The following MDGA2 variants were observed in gnomAD, a reference collection of about 807,000 sequenced individuals.
MDGA2 encodes the protein MAM domain-containing glycosylphosphatidylinositol anchor protein 2.
Under a neutral mutation model 117.8 loss-of-function variants are expected in MDGA2, and 40 were observed. The observed-to-expected ratio is 0.34, with a 90% confidence interval of 0.26 to 0.44. The LOEUF is 0.44. Ranked by LOEUF, MDGA2 falls within the 20% of genes least tolerant of loss-of-function variation. MDGA2 has a pLI of 1.00. For synonymous variants in MDGA2, 452 were observed against 439.0 expected, an observed-to-expected ratio of 1.03 and a Z score of -0.37; for missense variants, 1,123 against 1,250.6, an observed-to-expected ratio of 0.90 and a Z score of 1.54.
chr14:47,486,899 G>T (rs1263809444), intron 1 of MDGA2, among the ~76,000 whole-genome samples: 1 of 152,148 alleles, frequency 6.6e-6, no homozygotes, highest in Non-Finnish European at 1.5e-5. Flanking sequence ...TCTCAGATAT[G>T]TCTTTAGCAG....
chr14:47,304,202 A>G (rs1168042460), intron 1 of MDGA2, among the ~76,000 whole-genome samples: 1 of 152,240 alleles, frequency 6.6e-6, no homozygotes, highest in African/African-American at 2.4e-5. Context: ...TATGTGCACA[A>G]AGCTCACTTG....
At position 46,943,548 on chromosome 14, in the gene MDGA2, T is replaced by C. The variant is rs1885069522; in HGVS notation, c.2089+13826A>G. 2.0e-5 allele frequency among the ~76,000 whole-genome samples: 3 copies of C among 152,104 alleles called. No homozygotes were observed. In the South Asian group the frequency reaches 6.2e-4, roughly 31 times the overall value. ...TGGCTTAAAGTATGCAACATTCACT[T>C]ACTGATTCTACTTAGAGTCAATATT... On this transcript the variant is annotated intron_variant, in intron 9 of 16. Transcript: ENST00000399232.
At chr14:47,295,461 G>T (rs531947474) in intron 2 of MDGA2, among the ~76,000 whole-genome samples, 178 of 152,164 alleles carry the variant, frequency 1.2e-3, no homozygotes, top group Admixed American at 4.4e-3. Flanking sequence ...CAAGAATAAA[G>T]CAATGTAACT....
At chr14:47,341,447 A>G (rs574480747) in intron 1 of MDGA2, among the ~76,000 whole-genome samples, 33 of 152,318 alleles carry the variant, frequency 2.2e-4, no homozygotes, top group Non-Finnish European at 3.7e-4. Context: ...TGTAAGAAAT[A>G]TCTGCTCTTT....
At chr14:47,176,718 T>C (rs558825649) in intron 3 of MDGA2, among the ~76,000 whole-genome samples, 1 of 152,296 alleles carries the variant, frequency 6.6e-6, no homozygotes, top group East Asian at 1.9e-4. Context: ...ACCTAGGCAT[T>C]ACCATTCAGG....
Position 47,599,366 on chromosome 14 carries a change from C to T in MDGA2, c.280+75151G>A, listed in dbSNP as rs1291615788. Among the ~76,000 whole-genome samples the T allele has an allele frequency of 3.3e-5, 5 of 151,190 alleles. No individual in the cohort carries two copies. In the South Asian group the frequency reaches 8.3e-4, roughly 25 times the overall value. On this transcript the variant is annotated intron_variant, in intron 1 of 16. Transcript: ENST00000399232. The stretch of plus-strand genomic sequence containing the variant: ...GCATCAAATCAAATTAAGATAATTA[C>T]TGATGTATACTTAGGCACAAAAGGA...
At chr14:47,548,460 G>A (rs79469089) in intron 1 of MDGA2, among the ~76,000 whole-genome samples, 3,484 of 151,908 alleles carry the variant, frequency 0.023, 84 homozygotes, top group East Asian at 0.1. Flanking sequence ...TTTTGCTTAA[G>A]GACTAATCCA....
intron 14 of MDGA2, among the ~76,000 whole-genome samples, chr14:46,863,993 C>A: frequency 6.6e-6 from 1 of 151,986 alleles, no homozygotes; most frequent in Non-Finnish European, 1.5e-5. Flanking sequence ...TATACATGTG[C>A]CATGCTGGTG....
chr14:47,526,173 C>T (rs888282593), intron 1 of MDGA2, among the ~76,000 whole-genome samples: 16 of 152,028 alleles, frequency 1.1e-4, no homozygotes, highest in Non-Finnish European at 2.1e-4. Flanking sequence ...CATACTTAGG[C>T]GTTCCTGATA....
chr14:47,378,675 TA>T (rs1049054876), intron 1 of MDGA2, among the ~76,000 whole-genome samples: 80 of 151,970 alleles, frequency 5.3e-4, no homozygotes, highest in African/African-American at 1.9e-3. Flanking sequence ...GAAAAAAGAC[TA>T]AAAAAAATTG....
chr14:47,009,083 G>A (rs993750524), intron 8 of MDGA2, among the ~76,000 whole-genome samples: 1 of 151,960 alleles, frequency 6.6e-6, no homozygotes, highest in Non-Finnish European at 1.5e-5. Flanking sequence ...TAATTAAGCA[G>A]TGCAATGTAA....
At chr14:47,276,691 C>T (rs566659689) in intron 2 of MDGA2, among the ~76,000 whole-genome samples, 117 of 152,206 alleles carry the variant, frequency 7.7e-4, no homozygotes, top group Non-Finnish European at 1.4e-3. Context: ...CCAATTAATA[C>T]GTGATGACTA....
chr14:47,381,132 C>T (rs963853705), intron 1 of MDGA2, among the ~76,000 whole-genome samples: 3 of 152,292 alleles, frequency 2.0e-5, no homozygotes, highest in South Asian at 4.1e-4. Flanking sequence ...TCAATAGATG[C>T]AGAAAAGGCC....
chr14:47,434,564 T>A (rs1039610854), intron 1 of MDGA2, among the ~76,000 whole-genome samples: 2 of 152,124 alleles, frequency 1.3e-5, no homozygotes, highest in Non-Finnish European at 2.9e-5. Context: ...GTAAAACCAG[T>A]GTGGACTTTT....
chr14:47,048,045 G>C (rs1889326438), intron 7 of MDGA2, among the ~76,000 whole-genome samples: 1 of 151,928 alleles, frequency 6.6e-6, no homozygotes, highest in Admixed American at 6.6e-5. Context: ...TATATGTTTG[G>C]TTACTATAAC....
At chr14:46,936,080 T>C (rs1387762690) in intron 9 of MDGA2, among the ~76,000 whole-genome samples, 2 of 152,126 alleles carry the variant, frequency 1.3e-5, no homozygotes, top group East Asian at 3.8e-4. Context: ...ATTTTAAATT[T>C]TGATGTATTA....
chr14:47,199,084 TTACC>T (rs1885396026), intron 3 of MDGA2, among the ~76,000 whole-genome samples: 1 of 152,028 alleles, frequency 6.6e-6, no homozygotes, highest in Non-Finnish European at 1.5e-5. Flanking sequence ...ACATTAATTC[TTACC>T]TAAATTTCCA....
At position 47,223,126 on chromosome 14, in the gene MDGA2, T is replaced by C. The variant is rs1886360027; in HGVS notation, c.421-4931A>G. On this transcript the variant is annotated intron_variant, in intron 2 of 16. Coordinates refer to ENST00000399232, the MANE Select transcript of MDGA2 (RefSeq NM_001113498.3). The stretch of plus-strand genomic sequence containing the variant: ...ACCCGTCAGATCTTGTGAGACTTAT[T>C]CACTACCACAAGAATAACATGGGAA... 2.0e-5 allele frequency among the ~76,000 whole-genome samples: 3 copies of C among 152,122 alleles called. No homozygotes were observed. The South Asian group carries it at 6.2e-4, about 32-fold the overall frequency.
chr14:47,115,420 G>C (rs2139075373), intron 5 of MDGA2, among the ~76,000 whole-genome samples: 1 of 152,048 alleles, frequency 6.6e-6, no homozygotes, highest in Non-Finnish European at 1.5e-5. Flanking sequence ...ATAAATTAAG[G>C]CCTTCCCTAA....
Sources: allele counts gnomAD v4.1 joint callset (sites outside exome capture counted in the v4.1 genomes callset), GRCh38; gene constraint gnomAD v4.1.1; transcripts MANE v1.5; gene names NCBI Gene and HGNC (gene_info 2026-07-23, HGNC 2026-07-21).